The following DACH1 variants were observed in gnomAD, a reference collection of about 807,000 sequenced individuals.
DACH1 encodes dachshund family transcription factor 1, also known as dachshund homolog 1.
A neutral mutation model predicts 54.2 loss-of-function variants in DACH1; 12 were observed. That is an observed-to-expected ratio of 0.22 (90% CI 0.14 to 0.36). The LOEUF (loss-of-function observed/expected upper bound fraction) is 0.36, where lower values mean the gene tolerates loss of function less well. DACH1 is among the 10% of genes least tolerant of loss of function. The probability of loss-of-function intolerance (pLI) is 1.00; values close to 1 mark genes in which losing one functional copy is unlikely to be tolerated. For missense variants in DACH1, 805 were observed against 929.8 expected, an observed-to-expected ratio of 0.87 and a Z score of 1.75; for synonymous variants, 386 against 366.2, an observed-to-expected ratio of 1.05 and a Z score of -0.62.
intron 1 of DACH1, among the ~76,000 whole-genome samples, chr13:71,792,034 A>G (rs9599882): frequency 0.44 from 66,185 of 151,910 alleles, 17,676 homozygotes; most frequent in Non-Finnish European, 0.61. Context: ...ATGTCTTTGC[A>G]TTTCCTCTTG....
chr13:71,526,710 A>T (rs933351663), intron 6 of DACH1, among the ~76,000 whole-genome samples: 1 of 147,814 alleles, frequency 6.8e-6, no homozygotes, highest in African/African-American at 2.6e-5. Context: ...GTGTGTGTAT[A>T]TATATATATA....
At chr13:71,443,550 C>A (rs1040194278) in intron 10 of DACH1, among the ~76,000 whole-genome samples, 18 of 152,114 alleles carry the variant, frequency 1.2e-4, no homozygotes, top group Admixed American at 1.1e-3. Context: ...TAATAAAGAT[C>A]TGCTCCCTCA....
At chr13:71,781,343 T>A (rs979939786) in intron 1 of DACH1, among the ~76,000 whole-genome samples, 4 of 144,772 alleles carry the variant, frequency 2.8e-5, no homozygotes, top group South Asian at 2.2e-4. Flanking sequence ...AGATCTTTTT[T>A]ATTTTTATTT....
At chr13:71,740,345 A>G (rs140940318) in intron 1 of DACH1, among the ~76,000 whole-genome samples, 1 of 152,066 alleles carries the variant, frequency 6.6e-6, no homozygotes, top group African/African-American at 2.4e-5. Flanking sequence ...GATTTCAAGA[A>G]CTCTTTCCTT....
intron 1 of DACH1, among the ~76,000 whole-genome samples, chr13:71,767,931 T>C (rs1055173883): frequency 7.9e-5 from 12 of 151,974 alleles, no homozygotes; most frequent in African/African-American, 2.7e-4. Flanking sequence ...AATGAAGCAA[T>C]ATTTTAAAAT....
chr13:71,543,202 C>G (rs748890455), intron 6 of DACH1, among the ~76,000 whole-genome samples: 2 of 152,070 alleles, frequency 1.3e-5, no homozygotes, highest in Non-Finnish European at 2.9e-5. Context: ...AGGTTCACTA[C>G]AAGAAATGCA....
At chr13:71,792,339 TAC>T (rs140037316) in intron 1 of DACH1, among the ~76,000 whole-genome samples, 7,563 of 148,240 alleles carry the variant, frequency 0.051, 220 homozygotes, top group Non-Finnish European at 0.066. Flanking sequence ...AAGTGTTTTG[TAC>T]ACACACACAC....
chr13:71,539,087 T>C (rs777895536), intron 6 of DACH1, among the ~76,000 whole-genome samples: 39 of 152,084 alleles, frequency 2.6e-4, no homozygotes, highest in Admixed American at 6.6e-5. Flanking sequence ...ACAGCTGAAA[T>C]TGTTATGGTT....
At chr13:71,538,355 T>G (rs1303338783) in intron 6 of DACH1, among the ~76,000 whole-genome samples, 1 of 151,826 alleles carries the variant, frequency 6.6e-6, no homozygotes, top group East Asian at 1.9e-4. Flanking sequence ...ATGGGAGTGT[T>G]TCTGATGTTT....
intron 3 of DACH1, chr13:71,573,352 T>A: frequency 1.4e-6 from 1 of 699,884 alleles, no homozygotes; most frequent in Non-Finnish European, 2.6e-6. Context: ...TATGTCCTAT[T>A]TTGCCAACTG....
intron 6 of DACH1, among the ~76,000 whole-genome samples, chr13:71,491,394 G>T (rs932135935): frequency 1.3e-5 from 2 of 152,070 alleles, no homozygotes; most frequent in African/African-American, 2.4e-5. Flanking sequence ...ACATGTGTGC[G>T]TGCATGCCTG....
Position 71,865,535 on chromosome 13 carries a change from G to A in DACH1, c.848+387C>T, listed in dbSNP as rs116062696. ...CCCAGGTCCTGGGGAGCGCACGAAC[G>A]CGGACAGCAGCGCTGAGAGGGGTCT... On this transcript the variant is annotated intron_variant, in intron 1 of 10. Coordinates refer to ENST00000613252, the MANE Select transcript of DACH1 (RefSeq NM_080759.6). Among the ~76,000 whole-genome samples the A allele has an allele frequency of 1.6e-3, 250 of 152,248 alleles. 4 individuals carry two copies. Among genetic ancestry groups the A allele is most frequent in the African/African-American group, 5.6e-3 (233 of 41,576 alleles).
intron 1 of DACH1, among the ~76,000 whole-genome samples, chr13:71,710,450 TTTTG>T (rs1339843239): frequency 8.3e-5 from 8 of 96,280 alleles, no homozygotes; most frequent in Non-Finnish European, 1.7e-4. Context: ...AATATGAGGG[TTTTG>T]TGTGTGTGTG....
intron 7 of DACH1, among the ~76,000 whole-genome samples, chr13:71,481,475 C>T (rs2138186601): frequency 6.6e-6 from 1 of 152,240 alleles, no homozygotes; most frequent in South Asian, 2.1e-4. Flanking sequence ...TTTATGTTTA[C>T]TGTTTCCTTT....
At chr13:71,712,653 A>G (rs922555785) in intron 1 of DACH1, among the ~76,000 whole-genome samples, 14 of 152,186 alleles carry the variant, frequency 9.2e-5, no homozygotes, top group African/African-American at 3.4e-4. Flanking sequence ...CCTATTACAT[A>G]TCACAACTTC....
At chr13:71,777,298 C>T (rs1272296503) in intron 1 of DACH1, among the ~76,000 whole-genome samples, 1 of 152,040 alleles carries the variant, frequency 6.6e-6, no homozygotes, top group African/African-American at 2.4e-5. Context: ...ACAGTCCTGG[C>T]TCTTAGCGTG....
chr13:71,778,946 A>G (rs912015380), intron 1 of DACH1, among the ~76,000 whole-genome samples: 5 of 151,896 alleles, frequency 3.3e-5, no homozygotes, highest in African/African-American at 1.2e-4. Context: ...ACACAGATTT[A>G]GAAAAGAAAG....
At chr13:71,627,651 A>T (rs1016965902) in intron 3 of DACH1, among the ~76,000 whole-genome samples, 4 of 152,116 alleles carry the variant, frequency 2.6e-5, no homozygotes, top group African/African-American at 4.8e-5. Flanking sequence ...TGGAGGATTC[A>T]GCACATCCTG....
chr13:71,732,067 C>A (rs1382483951), intron 1 of DACH1, among the ~76,000 whole-genome samples: 1 of 152,146 alleles, frequency 6.6e-6, no homozygotes, highest in Non-Finnish European at 1.5e-5. Context: ...TATATTTGAT[C>A]TATCATTCCA....
Sources: gnomAD v4.1 joint callset for allele counts (sites outside exome capture counted in the v4.1 genomes callset) on GRCh38, gnomAD v4.1.1 for gene constraint, MANE v1.5 for transcripts, NCBI Gene and HGNC (gene_info 2026-07-23, HGNC 2026-07-21) for gene names.